Variants in SPECC1 observed in about 807,000 individuals in gnomAD.
SPECC1 encodes the protein cytospin-B.
A neutral mutation model predicts 104.1 loss-of-function variants in SPECC1; 62 were observed. The observed-to-expected ratio is 0.60, with a 90% CI of 0.49 to 0.74. SPECC1 has a LOEUF of 0.74. SPECC1 is among the 30% of genes least tolerant of loss of function. The pLI, the probability that SPECC1 is intolerant of heterozygous loss-of-function variation, is 0.00. For missense variants in SPECC1, 1,306 were observed against 1,310.5 expected (o/e 1.00, Z 0.05); for synonymous variants, 513 against 501.6 (o/e 1.02, Z -0.30).
intron 1 of SPECC1, among the ~76,000 whole-genome samples, chr17:20,087,853 T>C (rs2047235849): frequency 1.3e-5 from 2 of 152,052 alleles, no homozygotes; most frequent in South Asian, 4.1e-4. Flanking sequence ...AACCAGGGGC[T>C]GTTTGGTGGG....
chr17:20,061,171 A>G (rs2046171899), intron 1 of SPECC1, among the ~76,000 whole-genome samples: 1 of 152,208 alleles, frequency 6.6e-6, no homozygotes, highest in Non-Finnish European at 1.5e-5. Context: ...TCCCAGGTTC[A>G]AGCAATTCTC....
intron 10 of SPECC1, among the ~76,000 whole-genome samples, chr17:20,254,134 CGTGTGTGTGTGTGTGTGTGTGTGT>C (rs71357419): frequency 5.9e-5 from 8 of 135,898 alleles, no homozygotes; most frequent in African/African-American, 2.1e-4. Context: ...GTTGTTACAC[CGTGTGTGTGTGTGTGTGTGTGTGT>C]GTGTGTGTGT....
chr17:20,294,745 A>G (rs1036292837), intron 12 of SPECC1, among the ~76,000 whole-genome samples: 4 of 151,996 alleles, frequency 2.6e-5, no homozygotes, highest in African/African-American at 9.7e-5. Context: ...CCTTGACCAA[A>G]TAAGTCTGGG....
chr17:20,189,887 A>G (rs2035543621), intron 3 of SPECC1, among the ~76,000 whole-genome samples: 1 of 152,232 alleles, frequency 6.6e-6, no homozygotes, highest in African/African-American at 2.4e-5. Context: ...CTTTACAAAA[A>G]TCATCTTTAC....
intron 1 of SPECC1, among the ~76,000 whole-genome samples, chr17:20,019,752 C>G (rs1190929911): frequency 6.6e-6 from 1 of 152,140 alleles, no homozygotes; most frequent in Non-Finnish European, 1.5e-5. Flanking sequence ...CAGAGATCTG[C>G]CACTTCTCTT....
At chr17:20,313,000 A>G (rs903174078) in intron 14 of SPECC1, among the ~76,000 whole-genome samples, 1 of 152,124 alleles carries the variant, frequency 6.6e-6, no homozygotes, top group African/African-American at 2.4e-5. Context: ...GTCCTTTCCT[A>G]CTATTCTCTT....
chr17:20,097,750 G>A (rs2047723243), intron 2 of SPECC1, among the ~76,000 whole-genome samples: 1 of 152,200 alleles, frequency 6.6e-6, no homozygotes. Context: ...GTTTTTATGA[G>A]TCAAATGGAG....
rs1004038522 is a variant in SPECC1, at chr17:20,102,921, A to G, written c.147+6123A>G. ...TGTGTCAGACACTGTTATCCTAAGC[A>G]CACTGCATGGCTAACTTGTTTAATC... On this transcript the variant is annotated intron_variant, in intron 2 of 14. Coordinates refer to ENST00000395527, the MANE Select transcript of SPECC1 (RefSeq NM_001243439.2). Among the ~76,000 whole-genome samples, 6 of 152,300 alleles carry G rather than the reference A, an allele frequency of 3.9e-5. No homozygotes were observed. In the South Asian group the frequency reaches 1.0e-3, roughly 26 times the overall value.
chr17:20,164,585 G>C (rs1234311664), intron 3 of SPECC1, among the ~76,000 whole-genome samples: 1 of 152,072 alleles, frequency 6.6e-6, no homozygotes, highest in Non-Finnish European at 1.5e-5. Context: ...AGCAACTTTT[G>C]CTTTGGTTGG....
intron 1 of SPECC1, among the ~76,000 whole-genome samples, chr17:20,053,384 CT>C (rs1171393151): frequency 6.6e-6 from 1 of 152,222 alleles, no homozygotes. Flanking sequence ...ATTGAACCCC[CT>C]ATCCACTTCC....
chr17:20,237,174 AACAAAGTACAAGT>A (rs2038965055), intron 7 of SPECC1: 1 of 1,333,390 alleles, frequency 7.5e-7, no homozygotes, highest in Admixed American at 3.2e-5. Flanking sequence ...TTCTGAAAAA[AACAAAGTACAAGT>A]CTTATGAAAA....
At chr17:20,015,458 G>C (rs1244831615) in intron 1 of SPECC1, among the ~76,000 whole-genome samples, 1 of 151,330 alleles carries the variant, frequency 6.6e-6, no homozygotes, top group African/African-American at 2.4e-5. Flanking sequence ...CTGCATTCTG[G>C]GATGTTCCTT....
chr17:20,284,130 C>T (rs889699940), intron 12 of SPECC1, among the ~76,000 whole-genome samples: 6 of 152,166 alleles, frequency 3.9e-5, no homozygotes, highest in Non-Finnish European at 8.8e-5. Context: ...TGGAACTCAT[C>T]TCTAGGAAAC....
chr17:20,314,692 T>TCCCC lies in SPECC1; in HGVS notation c.*632_*635dup, dbSNP rs398041591. 70 of 151,552 alleles carry TCCCC rather than the reference T, an allele frequency of 4.6e-4. 1 individual carries two copies. Among genetic ancestry groups the TCCCC allele is most frequent in the African/African-American group, 2.1e-3 (66 of 31,088 alleles). 9.4% of individuals were successfully genotyped at this position (151,552 alleles called of 1,614,324 possible). Reference sequence around the variant, plus strand: ...CCCTTGTGAACCCTCCCTTCCCCCCTCCCCCCCCAAAAAAAAACAACAAAA... The same window carrying TCCCC: ...CCCTTGTGAACCCTCCCTTCCCCCCTCCCCCCCCCCCCAAAAAAAAACAACAAAA... On this transcript the variant is annotated 3_prime_UTR_variant, in exon 15 of 15. Coordinates refer to ENST00000395527, the MANE Select transcript of SPECC1 (RefSeq NM_001243439.2).
chr17:20,220,797 T>C (rs1272543093), intron 4 of SPECC1, among the ~76,000 whole-genome samples: 2 of 152,310 alleles, frequency 1.3e-5, no homozygotes, highest in African/African-American at 4.8e-5. Context: ...TCCATTCATA[T>C]GATACTAGGT....
At chr17:20,147,572 C>T (rs1030990533) in intron 3 of SPECC1, among the ~76,000 whole-genome samples, 1 of 151,856 alleles carries the variant, frequency 6.6e-6, no homozygotes, top group Non-Finnish European at 1.5e-5. Context: ...ATAATTGAAG[C>T]TAGAGGAAGA....
At chr17:20,247,895 C>T (rs1464289114) in intron 9 of SPECC1, among the ~76,000 whole-genome samples, 6 of 152,158 alleles carry the variant, frequency 3.9e-5, no homozygotes, top group Non-Finnish European at 7.3e-5. Context: ...GTACTGAGGG[C>T]TGGAGAAAGG....
At chr17:20,051,653 G>A (rs920216014) in intron 1 of SPECC1, among the ~76,000 whole-genome samples, 19 of 151,938 alleles carry the variant, frequency 1.3e-4, no homozygotes, top group Non-Finnish European at 2.6e-4. Context: ...GCTAGACAGC[G>A]TTTTAGGTAC....
chr17:20,241,656 T>C (rs954066950), intron 7 of SPECC1, among the ~76,000 whole-genome samples: 18 of 152,020 alleles, frequency 1.2e-4, no homozygotes, highest in Non-Finnish European at 1.8e-4. Context: ...GATTTGTAGA[T>C]TATGATGCTG....
Sources: allele counts gnomAD v4.1 joint callset (sites outside exome capture counted in the v4.1 genomes callset), GRCh38; gene constraint gnomAD v4.1.1; transcripts MANE v1.5; gene names NCBI Gene and HGNC (gene_info 2026-07-23, HGNC 2026-07-21).